The following DOCK4 variants were observed in gnomAD, a reference collection of about 807,000 sequenced individuals.
DOCK4 encodes the protein dedicator of cytokinesis 4, also known as dedicator of cytokinesis protein 4.
Under a neutral mutation model 268.1 loss-of-function variants are expected in DOCK4, and 97 were observed. That is an observed-to-expected ratio of 0.36 (90% CI 0.31 to 0.43). The LOEUF (loss-of-function observed/expected upper bound fraction) is 0.43, where lower values mean the gene tolerates loss of function less well. DOCK4 is among the 20% of genes least tolerant of loss of function. The pLI is 1.00. For synonymous variants in DOCK4, 954 were observed against 887.2 expected (o/e 1.08, Z -1.34); for missense variants, 2,145 against 2,455.7 (o/e 0.87, Z 2.67).
chr7:111,978,339 C>T (rs1288539391), intron 7 of DOCK4, among the ~76,000 whole-genome samples: 1 of 152,202 alleles, frequency 6.6e-6, no homozygotes, highest in Non-Finnish European at 1.5e-5. Context: ...TCAAGCGATC[C>T]TCCTGCCTTG....
At chr7:111,773,745 G>A (rs548010590) in intron 36 of DOCK4, among the ~76,000 whole-genome samples, 24 of 152,184 alleles carry the variant, frequency 1.6e-4, no homozygotes, top group African/African-American at 4.8e-4. Flanking sequence ...GGCCAGGTGC[G>A]GTAGCTCACA....
At chr7:112,166,882 AC>A (rs1817657643) in intron 1 of DOCK4, among the ~76,000 whole-genome samples, 1 of 151,748 alleles carries the variant, frequency 6.6e-6, no homozygotes, top group Non-Finnish European at 1.5e-5. Flanking sequence ...CCCAGGATGG[AC>A]TTGAACTCCT....
At chr7:111,758,879 G>A (rs1797207733) in intron 40 of DOCK4, 89 bp from the exon 41 acceptor site, 2 of 1,192,176 alleles carry the variant, frequency 1.7e-6, no homozygotes, top group Admixed American at 2.4e-5. Flanking sequence ...AGAAGAGGAT[G>A]GGTAACAATC....
chr7:112,094,223 A>AG (rs1213910984), intron 1 of DOCK4, among the ~76,000 whole-genome samples: 10 of 131,080 alleles, frequency 7.6e-5, no homozygotes, highest in Non-Finnish European at 1.8e-5. Flanking sequence ...TCACAAGGAA[A>AG]AAAAAAACTA....
intron 1 of DOCK4, among the ~76,000 whole-genome samples, chr7:112,066,684 CATATACATAT>C (rs1563052016): frequency 5.4e-4 from 25 of 46,080 alleles, no homozygotes; most frequent in African/African-American, 1.4e-3. Flanking sequence ...TACATATATA[CATATACATAT>C]ATATATATAT....
At chr7:111,836,312 G>A (rs1245258001) in intron 25 of DOCK4, among the ~76,000 whole-genome samples, 1 of 151,794 alleles carries the variant, frequency 6.6e-6, no homozygotes, top group Non-Finnish European at 1.5e-5. Flanking sequence ...ACTACTCCTA[G>A]AGTAATGCTG....
At chr7:111,822,275 A>G (rs1802046285) in intron 27 of DOCK4, 87 bp downstream of exon 27, 1 of 1,192,016 alleles carries the variant, frequency 8.4e-7, no homozygotes, top group African/African-American at 1.6e-5. Flanking sequence ...AAAACTGCAA[A>G]CTTGAGATCA....
intron 1 of DOCK4, among the ~76,000 whole-genome samples, chr7:112,118,142 A>ATG (rs1308240453): frequency 6.6e-6 from 1 of 150,744 alleles, no homozygotes; most frequent in Non-Finnish European, 1.5e-5. Flanking sequence ...TAATATATAT[A>ATG]TATATATTTT....
chr7:111,834,136 G>C (rs1279556995), intron 26 of DOCK4, among the ~76,000 whole-genome samples: 1 of 152,174 alleles, frequency 6.6e-6, no homozygotes, highest in Admixed American at 6.5e-5. Flanking sequence ...GACTATAGCT[G>C]ATAGAGAATA....
intron 44 of DOCK4, among the ~76,000 whole-genome samples, chr7:111,744,699 A>ACC (rs1796149459): frequency 1.3e-5 from 2 of 152,360 alleles, no homozygotes; most frequent in South Asian, 4.1e-4. Context: ...TGAAGGTTAA[A>ACC]GTCATTGCAT....
At chr7:111,842,220 G>A (rs1803756201) in intron 25 of DOCK4, among the ~76,000 whole-genome samples, 1 of 152,174 alleles carries the variant, frequency 6.6e-6, no homozygotes, top group Admixed American at 6.5e-5. Flanking sequence ...GACTGGCCAA[G>A]AACCTCCTTG....
chr7:111,946,513 A>G (rs1273177562), intron 8 of DOCK4, among the ~76,000 whole-genome samples: 1 of 152,236 alleles, frequency 6.6e-6, no homozygotes. Context: ...AGATTTAATG[A>G]AAACACAAAT....
chr7:112,118,132 T>C (rs1812349203), intron 1 of DOCK4, among the ~76,000 whole-genome samples: 1 of 131,476 alleles, frequency 7.6e-6, no homozygotes, highest in South Asian at 2.3e-4. Context: ...TTCTTATTTA[T>C]AATATATATA....
rs749139470 is a variant in DOCK4 at position 111,877,054 on chromosome 7, A to G, written c.1720T>C (p.Cys574Arg). 2.0e-5 allele frequency: 31 copies of G among 1,559,280 alleles called. No homozygotes were observed. Among genetic ancestry groups the G allele is most frequent in the Non-Finnish European group, 2.6e-5 (30 of 1,154,198 alleles). Reference protein sequence around the residue: ...KESFCITSFLCSTKLTQNGDM... With the variant: ...KESFCITSFLRSTKLTQNGDM... ...CCATTTTGTGTGAGTTTTGTGGAAC[A>G]GAGAAAAGATGTAATACAAAAGGAC... Residue 574 changes from cysteine (C) to arginine (R), a missense_variant, in exon 17 of 53, where the codon TGT becomes CGT. By Grantham distance (180) the Cys-to-Arg change is radical. Around this residue, in one of 2 missense-constraint regions of DOCK4, gnomAD observed 1,598 missense variants for 1,986.7 expected, o/e 0.80. Coordinates refer to ENST00000428084, the MANE Select transcript of DOCK4 (RefSeq NM_001363540.2).
At chr7:112,109,744 CTTTTTTT>C (rs36043991) in intron 1 of DOCK4, among the ~76,000 whole-genome samples, 1 of 115,182 alleles carries the variant, frequency 8.7e-6, no homozygotes. Flanking sequence ...GTAAAATCAT[CTTTTTTT>C]TTTTTTTTTT....
At chr7:112,122,975 A>G (rs1812877565) in intron 1 of DOCK4, among the ~76,000 whole-genome samples, 1 of 152,202 alleles carries the variant, frequency 6.6e-6, no homozygotes, top group East Asian at 1.9e-4. Flanking sequence ...TAATTCTCAG[A>G]AGGCAAATTA....
At chr7:111,856,733 G>A (rs1035334951) in intron 23 of DOCK4, among the ~76,000 whole-genome samples, 1 of 152,184 alleles carries the variant, frequency 6.6e-6, no homozygotes. Flanking sequence ...AACCAGAGGG[G>A]AATACGGGTA....
intron 6 of DOCK4, 38 bp from the exon 7 acceptor site, chr7:111,984,428 C>A: frequency 6.4e-7 from 1 of 1,556,820 alleles, no homozygotes; most frequent in Admixed American, 1.8e-5. Context: ...GGAAAAGTTA[C>A]CTCCATGAAA....
At chr7:111,887,724 G>A (rs573722063) in intron 16 of DOCK4, among the ~76,000 whole-genome samples, 5 of 151,420 alleles carry the variant, frequency 3.3e-5, no homozygotes, top group East Asian at 1.9e-4. Flanking sequence ...ATGTCATGAC[G>A]GGAAGGGAAG....
Sources: gnomAD v4.1 joint callset for allele counts (sites outside exome capture counted in the v4.1 genomes callset) on GRCh38, gnomAD v4.1.1 for gene constraint, gnomAD v4.1.1 regional missense constraint, MANE v1.5 for transcripts, NCBI Gene and HGNC (gene_info 2026-07-23, HGNC 2026-07-21) for gene names.